The following AJAP1 variants were observed in gnomAD, a reference collection of about 807,000 sequenced individuals.
The protein encoded by AJAP1 is adherens junctions associated protein 1, also known as adherens junction-associated protein 1.
A neutral mutation model predicts 35.0 loss-of-function variants in AJAP1; 5 were observed. That is an observed-to-expected ratio of 0.14 (90% CI 0.07 to 0.30). The LOEUF is 0.30. Ranked by LOEUF, AJAP1 falls within the 10% of genes least tolerant of loss-of-function variation. The pLI, the probability that AJAP1 is intolerant of heterozygous loss-of-function variation, is 1.00. For missense variants in AJAP1, 586 were observed against 571.0 expected (o/e 1.03, Z -0.27); for synonymous variants, 284 against 249.3 (o/e 1.14, Z -1.31).
chr1:4,689,043 G>A (rs4092258), intron 1 of AJAP1, among the ~76,000 whole-genome samples: 8,949 of 152,026 alleles, frequency 0.059, 449 homozygotes, highest in Admixed American at 0.16. Context: ...CTGAGACCCC[G>A]CCTGCCCCCC....
intron 1 of AJAP1, among the ~76,000 whole-genome samples, chr1:4,711,411 G>A (rs1027772895): frequency 3.3e-5 from 5 of 152,330 alleles, no homozygotes; most frequent in South Asian, 2.1e-4. Flanking sequence ...GCGGGGGGTG[G>A]CCTGGGCTAT....
chr1:4,757,179 A>T (rs2100341061), intron 2 of AJAP1, among the ~76,000 whole-genome samples: 1 of 152,360 alleles, frequency 6.6e-6, no homozygotes, highest in Admixed American at 6.5e-5. Flanking sequence ...TTCTCTCAGA[A>T]GATCCTTTCC....
chr1:4,668,499 C>T (rs1639186174), intron 1 of AJAP1, among the ~76,000 whole-genome samples: 1 of 152,202 alleles, frequency 6.6e-6, no homozygotes, highest in African/African-American at 2.4e-5. Flanking sequence ...AATCTCTCAG[C>T]AGACCTTCAA....
At chr1:4,679,495 A>G (rs762583606) in intron 1 of AJAP1, among the ~76,000 whole-genome samples, 1 of 152,216 alleles carries the variant, frequency 6.6e-6, no homozygotes, top group Non-Finnish European at 1.5e-5. Context: ...TGTGGCCACC[A>G]TAAAGTACTA....
chr1:4,680,897 G>A (rs1190918012), intron 1 of AJAP1, among the ~76,000 whole-genome samples: 4 of 152,146 alleles, frequency 2.6e-5, no homozygotes, highest in South Asian at 4.2e-4. Flanking sequence ...ATTTCTGTGC[G>A]GGATTACATT....
At chr1:4,688,771 C>CAAAAA (rs5772177) in intron 1 of AJAP1, among the ~76,000 whole-genome samples, 17 of 87,872 alleles carry the variant, frequency 1.9e-4, no homozygotes, top group Admixed American at 2.6e-4. Context: ...GACTCCGTCT[C>CAAAAA]AAAAAAAAAA....
intron 1 of AJAP1, among the ~76,000 whole-genome samples, chr1:4,671,552 C>A (rs1363072289): frequency 1.3e-5 from 2 of 151,900 alleles, no homozygotes; most frequent in Non-Finnish European, 2.9e-5. Flanking sequence ...TCCTGAGCAC[C>A]ACCAGGAGGA....
rs199899877 is a variant in AJAP1, at chr1:4,712,404, T to C, written c.534T>C (p.Thr178=). The C allele has an allele frequency of 6.3e-7, 1 of 1,584,950 alleles. No individual in the cohort carries two copies. The highest frequency in any genetic ancestry group is 1.3e-5 in the African/African-American group (1 of 74,086). Residue 178 remains threonine, a synonymous_variant, in exon 2 of 6, where the codon ACT becomes ACC. Transcript: ENST00000378191. ...DSRGSRPTTE[T]EFIAWGPTGD... ...GAGGCAGCCGGCCCACCACAGAGACTGAGTTCATCGCCTGGGGGCCCACGG... is the reference window on the plus strand; with the variant it reads ...GAGGCAGCCGGCCCACCACAGAGACCGAGTTCATCGCCTGGGGGCCCACGG...
At chr1:4,703,643 C>T (rs991321132) in intron 1 of AJAP1, among the ~76,000 whole-genome samples, 7 of 152,122 alleles carry the variant, frequency 4.6e-5, no homozygotes, top group African/African-American at 1.2e-4. Flanking sequence ...TATCAGCGAG[C>T]GGGAGGTTAG....
chr1:4,765,928 A>G (rs940049980), intron 2 of AJAP1, among the ~76,000 whole-genome samples: 1 of 152,216 alleles, frequency 6.6e-6, no homozygotes, highest in African/African-American at 2.4e-5. Context: ...CCACCTTGAC[A>G]GTGACCAGTG....
At chr1:4,763,523 C>A (rs948769178) in intron 2 of AJAP1, among the ~76,000 whole-genome samples, 1 of 152,002 alleles carries the variant, frequency 6.6e-6, no homozygotes, top group Non-Finnish European at 1.5e-5. Context: ...TGAGGAATGC[C>A]CAGAGAGCTG....
chr1:4,779,398 C>T (rs12128381), intron 5 of AJAP1, among the ~76,000 whole-genome samples: 49,572 of 150,358 alleles, frequency 0.33, 9,205 homozygotes, highest in African/African-American at 0.47. Context: ...TGCAGTGGCT[C>T]GATCTCAGCT....
chr1:4,713,446 T>C (rs1352942715), intron 2 of AJAP1, among the ~76,000 whole-genome samples: 5 of 152,230 alleles, frequency 3.3e-5, no homozygotes, highest in Non-Finnish European at 7.3e-5. Context: ...GAATATCTCC[T>C]TCTGTGCAGT....
rs1367145999 is a variant in AJAP1, at chr1:4,720,231, A to G, written c.829+7532A>G. ...GTGCCACGTGGTTAGACATGAAGAC[A>G]GGCTTCGGGTCCCCGCTTTCGATGT... On this transcript the variant is annotated intron_variant, in intron 2 of 5. Transcript: ENST00000378191. The surrounding 1 kb of genome is among the most constrained non-coding windows in gnomAD (Gnocchi z 4.4). Among the ~76,000 whole-genome samples, 1 of 152,216 alleles carries G rather than the reference A, an allele frequency of 6.6e-6. No individual in the cohort carries two copies. Among genetic ancestry groups the G allele is most frequent in the Non-Finnish European group, 1.5e-5 (1 of 68,032 alleles).
intron 2 of AJAP1, among the ~76,000 whole-genome samples, chr1:4,748,673 G>T (rs910376575): frequency 4.0e-5 from 6 of 151,346 alleles, no homozygotes; most frequent in Non-Finnish European, 7.4e-5. Flanking sequence ...GCTTAAACTG[G>T]GGAGGCTGAG....
rs755489648 is a variant in AJAP1, at chr1:4,790,030, C to T, written c.*7545C>T. 3.3e-5 allele frequency: 5 copies of T among 152,316 alleles called. No homozygotes were observed. Among genetic ancestry groups the T allele is most frequent in the East Asian group, 1.9e-4 (1 of 5,180 alleles). 9.4% of individuals were successfully genotyped at this position (152,316 alleles called of 1,614,324 possible). A position where few individuals can be genotyped will look rare whatever the true frequency, so the allele number is the denominator to read the frequency against. On this transcript the variant is annotated 3_prime_UTR_variant, in exon 6 of 6. Coordinates refer to ENST00000378191, the MANE Select transcript of AJAP1 (RefSeq NM_018836.4). ...TCATCCCAAGCCAAAAGGGAAAATTCGAAACCCACTGTGACACCCCAACCC... is the reference window on the plus strand; with the variant it reads ...TCATCCCAAGCCAAAAGGGAAAATTTGAAACCCACTGTGACACCCCAACCC...
rs1226280615 is a variant in AJAP1, at chr1:4,787,642, T to C, written c.*5157T>C. 2.2e-6 allele frequency: 1 copy of C among 455,760 alleles called. No homozygotes were observed. The highest frequency in any genetic ancestry group is 1.6e-5 in the South Asian group (1 of 64,466). The allele number at this position is 455,760 out of a possible 1,614,324, so 28.2% of individuals were successfully genotyped here. ...AGGATGAGGGCTGCTGCCCTGGTGA[T>C]GAGCTTGCCCCATCCCTGGGCACTG... On this transcript the variant is annotated 3_prime_UTR_variant, in exon 6 of 6. Transcript: ENST00000378191.
intron 1 of AJAP1, among the ~76,000 whole-genome samples, chr1:4,691,179 C>G (rs1212618268): frequency 6.6e-6 from 1 of 152,228 alleles, no homozygotes; most frequent in Non-Finnish European, 1.5e-5. Flanking sequence ...GAGTCCCCAT[C>G]AGGCTCCCGG....
intron 1 of AJAP1, among the ~76,000 whole-genome samples, chr1:4,678,682 C>T (rs1639411847): frequency 6.6e-6 from 1 of 152,172 alleles, no homozygotes; most frequent in South Asian, 2.1e-4. Context: ...TTTGCTGTAT[C>T]CTGTTGGCTA....
Sources: allele counts gnomAD v4.1 joint callset (sites outside exome capture counted in the v4.1 genomes callset), GRCh38; gene constraint gnomAD v4.1.1; non-coding constraint Gnocchi (gnomAD v3.1); transcripts MANE v1.5; gene names NCBI Gene and HGNC (gene_info 2026-07-23, HGNC 2026-07-21).